NAV1: variants seen among roughly 807,000 people sequenced by gnomAD.
The protein encoded by NAV1 is neuron navigator 1.
Under a neutral mutation model 175.2 loss-of-function variants are expected in NAV1, and 18 were observed. The ratio of observed to expected loss-of-function variants is 0.10; its 90% CI spans 0.07 to 0.15. The LOEUF (loss-of-function observed/expected upper bound fraction) is 0.15. NAV1 is among the 10% of genes least tolerant of loss of function. The probability of loss-of-function intolerance (pLI) is 1.00; values close to 1 mark genes in which losing one functional copy is unlikely to be tolerated. For synonymous variants in NAV1, 897 were observed against 978.7 expected (o/e 0.92, Z 1.56); for missense variants, 1,731 against 2,436.6 (o/e 0.71, Z 6.10).
chr1:201,748,805 C>G (rs1411221766), intron 3 of NAV1, among the ~76,000 whole-genome samples: 1 of 152,122 alleles, frequency 6.6e-6, no homozygotes, highest in African/African-American at 2.4e-5. Context: ...TAGTAGTCTG[C>G]TCAGGTAAGG....
chr1:201,688,537 T>C (rs1670772536), intron 1 of NAV1: 1 of 152,202 alleles, frequency 6.6e-6, no homozygotes, highest in South Asian at 2.1e-4. Flanking sequence ...AACTTAGCCA[T>C]CCATGATATT....
chr1:201,681,875 G>A (rs1262429235), intron 1 of NAV1, among the ~76,000 whole-genome samples: 1 of 152,190 alleles, frequency 6.6e-6, no homozygotes, highest in Non-Finnish European at 1.5e-5. Context: ...AGCACTTTGG[G>A]AGGCCGAGGC....
intron 14 of NAV1, 34 bp downstream of exon 18, chr1:201,793,909 T>TGGGGGGGGGGGGGGGGGGCCC: frequency 1.2e-5 from 6 of 516,466 alleles, no homozygotes; most frequent in African/African-American, 2.0e-5. Flanking sequence ...GAGGGGTGGG[T>TGGGGGGGGGGGGGGGGGGCCC]GCGGCGAGGG....
intron 1 of NAV1, among the ~76,000 whole-genome samples, chr1:201,549,611 T>C (rs1257419694): frequency 6.6e-6 from 1 of 152,112 alleles, no homozygotes; most frequent in African/African-American, 2.4e-5. Context: ...GTCATGATCA[T>C]GTAAATGACA....
At chr1:201,666,531 T>C (rs1332142146) in intron 1 of NAV1, among the ~76,000 whole-genome samples, 1 of 152,140 alleles carries the variant, frequency 6.6e-6, no homozygotes, top group Admixed American at 6.6e-5. Context: ...CAAGAAGGAC[T>C]GAGGTTAGAC....
chr1:201,782,684 G>A lies in NAV1; in HGVS notation c.2172G>A (p.Gly724=). 6.2e-7 allele frequency: 1 copy of A among 1,614,150 alleles called. No individual in the cohort carries two copies. ...AGGAGCCTACCAAGGTAGCCAGTGG[G>A]CGGACCACTCCAGCCCCTGTCAATC... Residue 724 remains glycine (G), a synonymous_variant, in exon 6 of 30, where the codon GGG becomes GGA. Coordinates refer to ENST00000367296, the Ensembl canonical transcript of NAV1. This position sits in a 1 kb window ranked among gnomAD's most constrained non-coding sequence, Gnocchi z 5.4.
intron 2 of NAV1, among the ~76,000 whole-genome samples, chr1:201,610,993 G>C (rs1667827412): frequency 6.6e-6 from 1 of 152,102 alleles, no homozygotes; most frequent in South Asian, 2.1e-4. Flanking sequence ...CCCACAGCTT[G>C]TGGACAATCC....
chr1:201,785,478 GT>G, intron 8 of NAV1, 127 bp downstream of exon 12: 6 of 995,888 alleles, frequency 6.0e-6, no homozygotes, highest in Non-Finnish European at 9.2e-6. Context: ...TCATTTGTAT[GT>G]GGTCCCATAC....
intron 1 of NAV1, among the ~76,000 whole-genome samples, chr1:201,658,204 T>C (rs1669477904): frequency 6.6e-6 from 1 of 152,182 alleles, no homozygotes; most frequent in African/African-American, 2.4e-5. Context: ...GGCAGAGCAC[T>C]GTGCTTCCTG....
chr1:201,679,188 C>A (rs1670374202), intron 1 of NAV1, among the ~76,000 whole-genome samples: 1 of 152,178 alleles, frequency 6.6e-6, no homozygotes, highest in Admixed American at 6.5e-5. Flanking sequence ...CTCAAAGCAC[C>A]TTTCTCTTCA....
At chr1:201,664,783 G>A (rs1286068495) in intron 1 of NAV1, among the ~76,000 whole-genome samples, 1 of 152,234 alleles carries the variant, frequency 6.6e-6, no homozygotes, top group Non-Finnish European at 1.5e-5. Flanking sequence ...CTATTTTCCT[G>A]GATCCTTGCT....
intron 1 of NAV1, among the ~76,000 whole-genome samples, chr1:201,540,982 A>T (rs919272017): frequency 6.6e-6 from 1 of 152,118 alleles, no homozygotes; most frequent in Non-Finnish European, 1.5e-5. Flanking sequence ...CAGGTGAAAG[A>T]GAACACCAGG....
At chr1:201,549,725 T>A (rs555756349) in intron 1 of NAV1, among the ~76,000 whole-genome samples, 1 of 149,448 alleles carries the variant, frequency 6.7e-6, no homozygotes, top group East Asian at 2.1e-4. Context: ...AAGACCTGGG[T>A]GCCGGCCTGG....
chr1:201,643,273 C>CTCTT (rs1268307777), upstream of NAV1, among the ~76,000 whole-genome samples: 5 of 135,440 alleles, frequency 3.7e-5, 1 homozygote, highest in South Asian at 2.3e-4. Context: ...TTCCCTCCCT[C>CTCTT]TCTTTCTTTC....
chr1:201,733,156 G>A (rs894307574), intron 3 of NAV1, among the ~76,000 whole-genome samples: 21 of 151,790 alleles, frequency 1.4e-4, no homozygotes, highest in African/African-American at 2.2e-4. Flanking sequence ...CAAGGCGGGC[G>A]GATCATGAGG....
intron 1 of NAV1, among the ~76,000 whole-genome samples, chr1:201,556,907 T>C (rs1342333446): frequency 6.6e-6 from 1 of 152,194 alleles, no homozygotes; most frequent in Non-Finnish European, 1.5e-5. Context: ...GGCTTAATTC[T>C]ACGGGCAAAT....
At chr1:201,779,856 A>C (rs1401552411) in intron 3 of NAV1, among the ~76,000 whole-genome samples, 2 of 152,148 alleles carry the variant, frequency 1.3e-5, no homozygotes, top group Non-Finnish European at 2.9e-5. Flanking sequence ...GATTTGGTTC[A>C]CTTAACAGAA....
At chr1:201,804,555 A>G (rs915516690) in intron 17 of NAV1, 58 bp downstream of exon 21, 2 of 1,165,020 alleles carry the variant, frequency 1.7e-6, no homozygotes, top group African/African-American at 1.7e-5. Context: ...TACCTTCCCT[A>G]TTTCCAGAGC....
intron 3 of NAV1, among the ~76,000 whole-genome samples, chr1:201,771,536 C>A (rs1215251928): frequency 6.6e-6 from 1 of 150,914 alleles, no homozygotes; most frequent in Non-Finnish European, 1.5e-5. Context: ...GTGAACTGAC[C>A]TATAACAGAG....
Sources: gnomAD v4.1 joint callset for allele counts (sites outside exome capture counted in the v4.1 genomes callset) on GRCh38, gnomAD v4.1.1 for gene constraint, Gnocchi (gnomAD v3.1) non-coding constraint, MANE v1.5 for transcripts, NCBI Gene and HGNC (gene_info 2026-07-23, HGNC 2026-07-21) for gene names.